The following DHX30 variants were observed in gnomAD, a reference collection of about 807,000 sequenced individuals.
DHX30 encodes DExH-box helicase 30, also known as ATP-dependent RNA helicase DHX30.
DHX30 carries 4 observed loss-of-function variants against 116.9 expected under a neutral mutation model. The ratio of observed to expected loss-of-function variants is 0.03; its 90% CI spans 0.02 to 0.08. The LOEUF (loss-of-function observed/expected upper bound fraction) is 0.08, where lower values mean the gene tolerates loss of function less well. Among genes scored for constraint, DHX30 ranks in the 10% least tolerant of loss-of-function variants. The pLI is 1.00. For synonymous variants in DHX30, 697 were observed against 651.7 expected (o/e 1.07, Z -1.06); for missense variants, 871 against 1,595.1 (o/e 0.55, Z 7.73).
At chr3:47,824,104 G>T (rs935872209) in intron 4 of DHX30, among the ~76,000 whole-genome samples, 11 of 147,760 alleles carry the variant, frequency 7.4e-5, no homozygotes, top group Non-Finnish European at 1.2e-4. Flanking sequence ...CTGGGTTCAA[G>T]CGATTCTCCT....
chr3:47,836,338 C>G (rs2037113752), intron 6 of DHX30, among the ~76,000 whole-genome samples: 1 of 151,742 alleles, frequency 6.6e-6, no homozygotes, highest in Admixed American at 6.6e-5. Context: ...CCATGTTGGC[C>G]AGGCTGGTCT....
intron 3 of DHX30, among the ~76,000 whole-genome samples, chr3:47,813,166 G>A (rs762255248): frequency 3.3e-5 from 5 of 151,764 alleles, no homozygotes; most frequent in South Asian, 4.1e-4. Flanking sequence ...GTGAAACCCC[G>A]TCTCTACTAA....
chr3:47,843,804 TC>T (rs2037483117), intron 9 of DHX30, among the ~76,000 whole-genome samples: 1 of 152,188 alleles, frequency 6.6e-6, no homozygotes, highest in Non-Finnish European at 1.5e-5. Flanking sequence ...GCTTAAGCGA[TC>T]CTTTCACCTC....
At chr3:47,809,035 C>G (rs940195946) in intron 2 of DHX30, among the ~76,000 whole-genome samples, 1 of 151,866 alleles carries the variant, frequency 6.6e-6, no homozygotes, top group Non-Finnish European at 1.5e-5. Context: ...ATTACAGGCG[C>G]CTGCCACCGT....
At chr3:47,820,684 G>A (rs1559694896) in intron 4 of DHX30, among the ~76,000 whole-genome samples, 1 of 152,042 alleles carries the variant, frequency 6.6e-6, no homozygotes, top group Non-Finnish European at 1.5e-5. Context: ...GATCCTTTAC[G>A]CCTTAATTCT....
chr3:47,831,372 G>A (rs1559705022), intron 6 of DHX30, among the ~76,000 whole-genome samples: 2 of 152,088 alleles, frequency 1.3e-5, no homozygotes, highest in Non-Finnish European at 2.9e-5. Context: ...CTGCCCCCAT[G>A]ACCCAAACAC....
rs754843574 is a variant in DHX30, at chr3:47,847,510, A to C, written c.2084A>C (p.His695Pro). ...QQRLQEALGM[H>P]ESKYLILPVH... ...CGCCTCCAGGAGGCCCTGGGCATGC[A>C]CGAGAGCAAGTACCTCATCCTGCCA... The change falls in exon 13 of 22, where the codon CAC becomes CCC. Residue 695 changes from histidine (H) to proline (P), a missense_variant. By Grantham distance (77) the His-to-Pro change is moderately conservative. Coordinates refer to ENST00000445061, the MANE Select transcript of DHX30 (RefSeq NM_138615.3). The surrounding 1 kb of genome is among the most constrained non-coding windows in gnomAD (Gnocchi z 5.5). 73 of 1,611,526 alleles carry C rather than the reference A, an allele frequency of 4.5e-5. 1 individual carries two copies. The South Asian group carries it at 6.6e-4, about 15-fold the overall frequency.
intron 9 of DHX30, among the ~76,000 whole-genome samples, chr3:47,843,836 C>T (rs1313322818): frequency 1.3e-5 from 2 of 152,158 alleles, no homozygotes; most frequent in Non-Finnish European, 2.9e-5. Flanking sequence ...ATAGCTGGGA[C>T]CATAGGTATG....
intron 2 of DHX30, among the ~76,000 whole-genome samples, chr3:47,806,288 T>C (rs1256496074): frequency 2.5e-4 from 33 of 131,750 alleles, no homozygotes; most frequent in African/African-American, 5.1e-4. Context: ...GGATTACAGG[T>C]GCGCACCACC....
Position 47,848,150 on chromosome 3 carries a change from T to G in DHX30, c.2287-30T>G. On this transcript the variant is annotated intron_variant, in intron 14 of 21. Transcript: ENST00000445061. The surrounding 1 kb of genome is among the most constrained non-coding windows in gnomAD (Gnocchi z 9.4). ...GGGGAAGCACTGAGGAAGTGGCATT[T>G]GTGTGCTGCTTACTTGCCACCTCCT... The G allele has an allele frequency of 6.2e-7, 1 of 1,612,216 alleles. No homozygotes were observed. The highest frequency in any genetic ancestry group is 8.5e-7 in the Non-Finnish European group (1 of 1,178,986).
At chr3:47,828,192 G>A (rs2036634009) in intron 5 of DHX30, among the ~76,000 whole-genome samples, 1 of 151,938 alleles carries the variant, frequency 6.6e-6, no homozygotes, top group Non-Finnish European at 1.5e-5. Flanking sequence ...GGTTGTGGTG[G>A]TTCGTGCCTG....
intron 4 of DHX30, 77 bp from the exon 5 acceptor site, chr3:47,827,270 G>A: frequency 6.9e-7 from 1 of 1,451,256 alleles, no homozygotes; most frequent in Non-Finnish European, 9.2e-7. Context: ...TCCAGCCCAG[G>A]GTTGCCCTGA....
At chr3:47,806,472 G>A (rs1379064917) in intron 2 of DHX30, among the ~76,000 whole-genome samples, 1 of 137,086 alleles carries the variant, frequency 7.3e-6, no homozygotes, top group Non-Finnish European at 1.6e-5. Context: ...CTGAGATGGA[G>A]TCTCACTCTG....
At chr3:47,815,723 C>CAAAAAAAA (rs11349970) in intron 3 of DHX30, among the ~76,000 whole-genome samples, 9 of 20,756 alleles carry the variant, frequency 4.3e-4, no homozygotes, top group African/African-American at 4.3e-4. Flanking sequence ...TAAAAAAGAG[C>CAAAAAAAA]AAAAAAAAAA....
At position 47,849,317 on chromosome 3, in the gene DHX30, C is replaced by T. The variant is rs368411303; in HGVS notation, c.3055C>T (p.Leu1019=). The T allele has an allele frequency of 7.4e-6, 12 of 1,613,814 alleles. No individual in the cohort carries two copies. The East Asian group carries it at 2.5e-4, about 33-fold the overall frequency. ...GGAGGAGGAGCTGGTGAAGGGCGTG[C>T]TGATGGCCGGCCTCTACCCCAACCT... ...SEEEELVKGV[L]MAGLYPNLIQ... is the part of the protein sequence containing the mutation. Residue 1019 remains leucine (L), a synonymous_variant, in exon 19 of 22, where the codon CTG becomes TTG. Transcript: ENST00000445061.
In DHX30 at chr3:47,829,019, C is replaced by T; in HGVS notation, c.256-5C>T. 3 of 1,591,638 alleles carry T rather than the reference C, an allele frequency of 1.9e-6. No individual in the cohort carries two copies. The highest frequency in any genetic ancestry group is 2.6e-6 in the Non-Finnish European group (3 of 1,162,682). On this transcript the variant is annotated splice_region_variant and splice_polypyrimidine_tract_variant and intron_variant, in intron 5 of 21. Coordinates refer to ENST00000445061, the MANE Select transcript of DHX30 (RefSeq NM_138615.3). ...GACTTCTGATTTCTCTCTTCTCTTC[C>T]CCAGAAAGTCACACTGCACATAAAA...
At chr3:47,839,276 T>TTC (rs2037255703) in intron 6 of DHX30, among the ~76,000 whole-genome samples, 1 of 151,488 alleles carries the variant, frequency 6.6e-6, no homozygotes, top group Non-Finnish European at 1.5e-5. Flanking sequence ...GATTCTTATA[T>TTC]TCTCTTTTTT....
chr3:47,816,732 A>G (rs1384630025), intron 3 of DHX30: 1 of 985,598 alleles, frequency 1.0e-6, no homozygotes, highest in East Asian at 1.1e-4. Flanking sequence ...TGAAACAGCC[A>G]CTGTGGTGAA....
intron 1 of DHX30, 134 bp from the exon 2 acceptor site, chr3:47,805,192 G>C (rs1033334540): frequency 1.0e-5 from 4 of 395,418 alleles, no homozygotes; most frequent in Non-Finnish European, 1.8e-5. Flanking sequence ...TGATTTGTAA[G>C]GCCATTTTGT....
Sources: gnomAD v4.1 joint callset for allele counts (sites outside exome capture counted in the v4.1 genomes callset) on GRCh38, gnomAD v4.1.1 for gene constraint, Gnocchi (gnomAD v3.1) non-coding constraint, MANE v1.5 for transcripts, NCBI Gene and HGNC (gene_info 2026-07-23, HGNC 2026-07-21) for gene names.